The following RASSF5 variants were observed in gnomAD, a reference collection of about 807,000 sequenced individuals.
RASSF5 encodes the protein Ras association domain family member 5, also known as ras association domain-containing protein 5.
Under a neutral mutation model 40.5 loss-of-function variants are expected in RASSF5, and 25 were observed. The observed-to-expected ratio is 0.62, with a 90% confidence interval of 0.45 to 0.86. The LOEUF (loss-of-function observed/expected upper bound fraction) is 0.86. Among genes scored for constraint, RASSF5 ranks in the 40% least tolerant of loss-of-function variants. The pLI, the probability that RASSF5 is intolerant of heterozygous loss-of-function variation, is 0.00. For synonymous variants in RASSF5, 246 were observed against 252.4 expected (o/e 0.97, Z 0.24); for missense variants, 521 against 572.8 (o/e 0.91, Z 0.92).
At chr1:206,520,329 G>A (rs782620642) in intron 1 of RASSF5, among the ~76,000 whole-genome samples, 1 of 152,200 alleles carries the variant, frequency 6.6e-6, no homozygotes, top group Non-Finnish European at 1.5e-5. Context: ...TTTGGTGGCC[G>A]GGCGCGGTGG....
intron 1 of RASSF5, among the ~76,000 whole-genome samples, chr1:206,520,780 T>TTG (rs1666885329): frequency 6.6e-6 from 1 of 151,872 alleles, no homozygotes; most frequent in Non-Finnish European, 1.5e-5. Flanking sequence ...TGGTGTGGGG[T>TTG]AAATTAAATG....
chr1:206,540,464 A>G (rs540937927), intron 2 of RASSF5, among the ~76,000 whole-genome samples: 2 of 152,384 alleles, frequency 1.3e-5, no homozygotes, highest in African/African-American at 4.8e-5. Context: ...TTGCAGAGGA[A>G]GGAGCCAAGA....
intron 2 of RASSF5, among the ~76,000 whole-genome samples, chr1:206,551,730 C>T (rs1553401058): frequency 6.6e-6 from 1 of 152,246 alleles, no homozygotes; most frequent in Admixed American, 6.5e-5. Flanking sequence ...CTCTTCACAG[C>T]CTATCCCCTT....
chr1:206,508,576 A>C (rs1453958903), intron 1 of RASSF5, among the ~76,000 whole-genome samples: 2 of 152,156 alleles, frequency 1.3e-5, no homozygotes, highest in Non-Finnish European at 2.9e-5. Flanking sequence ...GTATTGGGAC[A>C]GGGAGGAGAC....
rs782814016 is a variant in RASSF5 at position 206,535,761 on chromosome 1, AT to A, written c.458-2410del. On this transcript the variant is annotated intron_variant, in intron 1 of 5. Coordinates refer to ENST00000579436, the MANE Select transcript of RASSF5 (RefSeq NM_182663.4). The surrounding 1 kb of genome is among the most constrained non-coding windows in gnomAD (Gnocchi z 5.0). ...GTGTGTGTGAGAGAGAGAGAGAGAG[AT>A]GGAAATTGAGAGATTCAGATGCACA... is the stretch of plus-strand genomic sequence containing the variant. Among the ~76,000 whole-genome samples, 5 of 148,936 alleles carry A rather than the reference AT, an allele frequency of 3.4e-5. No homozygotes were observed. The highest frequency in any genetic ancestry group is 7.6e-5 in the African/African-American group (3 of 39,386).
chr1:206,523,326 A>G (rs1553396390), intron 1 of RASSF5, among the ~76,000 whole-genome samples: 1 of 134,402 alleles, frequency 7.4e-6, no homozygotes, highest in African/African-American at 2.8e-5. Flanking sequence ...ATATATACAT[A>G]TAAAATATAT....
At position 206,585,270 on chromosome 1, in the gene RASSF5, A is replaced by T; in HGVS notation, c.1079A>T (p.Lys360Met). ...PDTEVLSFVL[K>M]ENETGEVEWD... ...ACGGAGGTCCTCAGCTTTGTGCTAA[A>T]GGAGAATGAAACTGGAGAGGTAGAG... The change falls in exon 5 of 6, where the codon AAG (lysine) becomes ATG (methionine). Residue 360 changes from lysine (K) to methionine (M), a missense_variant. Around this residue, in one of 2 missense-constraint regions of RASSF5, gnomAD observed 284 missense variants for 360.8 expected, o/e 0.79. Transcript: ENST00000579436. 1 of 1,614,126 alleles carries T rather than the reference A, an allele frequency of 6.2e-7. No homozygotes were observed. Among genetic ancestry groups the T allele is most frequent in the South Asian group, 1.1e-5 (1 of 91,082 alleles).
intron 2 of RASSF5, among the ~76,000 whole-genome samples, chr1:206,555,050 G>A (rs559382045): frequency 5.3e-5 from 8 of 152,200 alleles, no homozygotes; most frequent in East Asian, 1.9e-4. Context: ...CATAGTACCT[G>A]CTCTTAGGAT....
In RASSF5 at chr1:206,579,144, C is replaced by T. The variant is rs1553405747; in HGVS notation, c.580-4125C>T. On this transcript the variant is annotated intron_variant, in intron 2 of 5. Coordinates refer to ENST00000579436, the MANE Select transcript of RASSF5 (RefSeq NM_182663.4). The surrounding 1 kb of genome is among the most constrained non-coding windows in gnomAD (Gnocchi z 4.2). ...TTTTCCACCGCATAGGACATGTGAG[C>T]ACAAACCTGTTTTTCACCAGTGCCC... 6.6e-6 allele frequency among the ~76,000 whole-genome samples: 1 copy of T among 152,144 alleles called. No homozygotes were observed. The highest frequency in any genetic ancestry group is 1.5e-5 in the Non-Finnish European group (1 of 68,030).
intron 2 of RASSF5, among the ~76,000 whole-genome samples, chr1:206,570,097 T>G (rs1261803541): frequency 1.3e-5 from 1 of 75,348 alleles, no homozygotes; most frequent in Non-Finnish European, 2.9e-5. Context: ...TTTTTTTTTT[T>G]TTTTTTTCCC....
chr1:206,532,458 G>A (rs1488033862), intron 1 of RASSF5, among the ~76,000 whole-genome samples: 1 of 152,188 alleles, frequency 6.6e-6, no homozygotes, highest in Non-Finnish European at 1.5e-5. Context: ...AGGCCTGGAG[G>A]ACTTTCTTCA....
intron 1 of RASSF5, among the ~76,000 whole-genome samples, chr1:206,529,871 C>T (rs192202346): frequency 2.6e-5 from 4 of 152,108 alleles, no homozygotes; most frequent in Middle Eastern, 3.4e-3. Flanking sequence ...GCCATGTTCA[C>T]GTCACTGCAC....
At chr1:206,516,767 T>C (rs899110644) in intron 1 of RASSF5, among the ~76,000 whole-genome samples, 10 of 152,330 alleles carry the variant, frequency 6.6e-5, no homozygotes, top group African/African-American at 2.4e-4. Context: ...GTGACTCATA[T>C]TTTAAAGTTC....
Position 206,507,597 on chromosome 1 carries a change from C to T in RASSF5, c.-6C>T. The T allele has an allele frequency of 6.7e-7, 1 of 1,497,372 alleles. No homozygotes were observed. The highest frequency in any genetic ancestry group is 2.1e-4 in the Middle Eastern group (1 of 4,782). 92.8% of individuals were successfully genotyped at this position (1,497,372 alleles called of 1,614,324 possible). On this transcript the variant is annotated 5_prime_UTR_variant, in exon 1 of 6. Coordinates refer to ENST00000579436, the MANE Select transcript of RASSF5 (RefSeq NM_182663.4). Reference sequence around the variant, plus strand: ...CCGCTGCCAAAGCTGCCGCCACTAGCCGGGCATGGCCATGGCGTCCCCGGC... The same window carrying T: ...CCGCTGCCAAAGCTGCCGCCACTAGTCGGGCATGGCCATGGCGTCCCCGGC...
At chr1:206,524,751 G>C (rs1265215478) in intron 1 of RASSF5, among the ~76,000 whole-genome samples, 2 of 142,632 alleles carry the variant, frequency 1.4e-5, no homozygotes, top group Non-Finnish European at 3.1e-5. Flanking sequence ...GGGAAGGATT[G>C]CTTTCACTTG....
At chr1:206,525,236 C>T (rs1343280563) in intron 1 of RASSF5, among the ~76,000 whole-genome samples, 3 of 152,074 alleles carry the variant, frequency 2.0e-5, no homozygotes, top group Non-Finnish European at 4.4e-5. Context: ...CCCACACCCA[C>T]CCACGTGAGA....
chr1:206,589,025 A>T lies in RASSF5; in HGVS notation c.*2047A>T, dbSNP rs943122191. 1 of 152,788 alleles carries T rather than the reference A, an allele frequency of 6.5e-6. No individual in the cohort carries two copies. Among genetic ancestry groups the T allele is most frequent in the African/African-American group, 2.4e-5 (1 of 41,440 alleles). 9.5% of individuals were successfully genotyped at this position (152,788 alleles called of 1,614,324 possible). On this transcript the variant is annotated 3_prime_UTR_variant, in exon 6 of 6. Transcript: ENST00000579436. ...AAGAGATAAGGGTGTTTATGAAATG[A>T]GAAAATTATTGGACAATTCAGACTT... is the stretch of plus-strand genomic sequence containing the variant.
At chr1:206,566,672 T>C (rs1200608781) in intron 2 of RASSF5, among the ~76,000 whole-genome samples, 5 of 152,152 alleles carry the variant, frequency 3.3e-5, no homozygotes, top group African/African-American at 9.7e-5. Flanking sequence ...ATGTCGATGC[T>C]CACAATTGGC....
At chr1:206,509,178 G>A (rs1333306211) in intron 1 of RASSF5, among the ~76,000 whole-genome samples, 3 of 152,224 alleles carry the variant, frequency 2.0e-5, no homozygotes, top group African/African-American at 7.2e-5. Context: ...GCAGCCTCAC[G>A]TCTCCCATCC....
Sources: gnomAD v4.1 joint callset for allele counts (sites outside exome capture counted in the v4.1 genomes callset) on GRCh38, gnomAD v4.1.1 for gene constraint, gnomAD v4.1.1 regional missense constraint, Gnocchi (gnomAD v3.1) non-coding constraint, MANE v1.5 for transcripts, NCBI Gene and HGNC (gene_info 2026-07-23, HGNC 2026-07-21) for gene names.